The following CCSER1 variants were observed in gnomAD, a reference collection of about 807,000 sequenced individuals.
The protein encoded by CCSER1 is coiled-coil serine rich protein 1, also known as serine-rich coiled-coil domain-containing protein 1.
CCSER1 carries 41 observed loss-of-function variants against 82.0 expected under a neutral mutation model. The ratio of observed to expected loss-of-function variants is 0.50; its 90% CI spans 0.39 to 0.65. The LOEUF is 0.65. CCSER1 is among the 30% of genes least tolerant of loss of function. The pLI is 0.00. For missense variants in CCSER1, 1,119 were observed against 1,064.2 expected, an observed-to-expected ratio of 1.05 and a Z score of -0.72; for synonymous variants, 414 against 383.9, an observed-to-expected ratio of 1.08 and a Z score of -0.92.
chr4:91,362,586 G>C (rs1047055562), intron 10 of CCSER1, among the ~76,000 whole-genome samples: 11 of 151,814 alleles, frequency 7.2e-5, no homozygotes, highest in African/African-American at 2.2e-4. Context: ...AGGAAGTATG[G>C]TTGTAAGGCT....
intron 1 of CCSER1, among the ~76,000 whole-genome samples, chr4:90,172,345 AG>A (rs1320256768): frequency 6.6e-6 from 1 of 151,930 alleles, no homozygotes; most frequent in Non-Finnish European, 1.5e-5. Context: ...GTTAGTGCAA[AG>A]GCATGCAAAT....
chr4:91,237,389 A>G (rs1344484837), intron 10 of CCSER1, among the ~76,000 whole-genome samples: 1 of 150,786 alleles, frequency 6.6e-6, no homozygotes, highest in Non-Finnish European at 1.5e-5. Context: ...GCCTTTATAT[A>G]TATATATAAA....
chr4:90,420,275 T>A (rs986417142), intron 4 of CCSER1, among the ~76,000 whole-genome samples: 1 of 152,010 alleles, frequency 6.6e-6, no homozygotes, highest in Non-Finnish European at 1.5e-5. Flanking sequence ...ATAGTAACAT[T>A]CACCTGGGTG....
chr4:91,093,809 C>T (rs544330543), intron 10 of CCSER1, among the ~76,000 whole-genome samples: 1 of 152,292 alleles, frequency 6.6e-6, no homozygotes, highest in East Asian at 1.9e-4. Flanking sequence ...TTGCAGAGGT[C>T]CCCATTCAAA....
At chr4:90,145,139 T>C (rs1725559389) in intron 1 of CCSER1, among the ~76,000 whole-genome samples, 1 of 152,148 alleles carries the variant, frequency 6.6e-6, no homozygotes, top group Non-Finnish European at 1.5e-5. Context: ...GAAATGCTAA[T>C]TCTATTTTTA....
At chr4:90,892,280 C>T (rs1390137161) in intron 8 of CCSER1, among the ~76,000 whole-genome samples, 1 of 151,930 alleles carries the variant, frequency 6.6e-6, no homozygotes, top group African/African-American at 2.4e-5. Flanking sequence ...TCTCATCCTG[C>T]TTTTATTTTC....
At chr4:91,582,203 G>A (rs191415686) in intron 10 of CCSER1, among the ~76,000 whole-genome samples, 1 of 151,630 alleles carries the variant, frequency 6.6e-6, no homozygotes, top group Non-Finnish European at 1.5e-5. Flanking sequence ...ATTGCTACAT[G>A]TAGGCAAGAA....
intron 7 of CCSER1, among the ~76,000 whole-genome samples, chr4:90,769,578 C>A (rs1315735072): frequency 6.6e-6 from 1 of 152,100 alleles, no homozygotes; most frequent in Non-Finnish European, 1.5e-5. Context: ...TCCCCCCTTT[C>A]TGAACAGAAA....
chr4:90,701,158 G>A (rs1286946786), intron 6 of CCSER1, among the ~76,000 whole-genome samples: 1 of 152,182 alleles, frequency 6.6e-6, no homozygotes, highest in Non-Finnish European at 1.5e-5. Flanking sequence ...ATTAATTTTT[G>A]TAGAAGGTAT....
chr4:91,554,444 A>G (rs553564438), intron 10 of CCSER1, among the ~76,000 whole-genome samples: 58 of 151,438 alleles, frequency 3.8e-4, no homozygotes, highest in Non-Finnish European at 6.8e-4. Flanking sequence ...AAATGACCAC[A>G]TACACAATAG....
chr4:90,537,447 T>A (rs1775550030), intron 5 of CCSER1, among the ~76,000 whole-genome samples: 1 of 152,168 alleles, frequency 6.6e-6, no homozygotes, highest in East Asian at 1.9e-4. Flanking sequence ...TTTTGTTTTT[T>A]TCTTCTATTT....
intron 10 of CCSER1, among the ~76,000 whole-genome samples, chr4:91,573,372 AC>A (rs1560773670): frequency 6.6e-6 from 1 of 152,030 alleles, no homozygotes; most frequent in Non-Finnish European, 1.5e-5. Context: ...CCCTGGATTC[AC>A]CCTCTTTCCT....
rs1722255843 is a variant in CCSER1 at position 90,128,569 on chromosome 4, AAGTC to A, written c.-42+741_-42+744del. 2.6e-5 allele frequency among the ~76,000 whole-genome samples: 4 copies of A among 152,050 alleles called. No individual in the cohort carries two copies. The South Asian group carries it at 8.3e-4, about 32-fold the overall frequency. ...CAGTGGGTTGGTTCACCTGAGCAGAAAGTCAGCCGTAAGCTGAAACCGCATGTGG... is the reference window on the plus strand; with the variant it reads ...CAGTGGGTTGGTTCACCTGAGCAGAAAGCCGTAAGCTGAAACCGCATGTGG... On this transcript the variant is annotated intron_variant, in intron 1 of 10. Coordinates refer to ENST00000509176, the MANE Select transcript of CCSER1 (RefSeq NM_001145065.2).
intron 4 of CCSER1, among the ~76,000 whole-genome samples, chr4:90,458,658 C>A (rs1762492341): frequency 1.3e-5 from 2 of 152,118 alleles, no homozygotes; most frequent in African/African-American, 4.8e-5. Flanking sequence ...CCTGGCCTTG[C>A]CACAATAAGT....
At chr4:91,023,276 T>A (rs1740176320) in intron 9 of CCSER1, among the ~76,000 whole-genome samples, 2 of 152,160 alleles carry the variant, frequency 1.3e-5, no homozygotes, top group African/African-American at 4.8e-5. Context: ...AAGCTACCAA[T>A]GACTTTCTTC....
In CCSER1 at chr4:90,834,026, C is replaced by T. The variant is rs190841208; in HGVS notation, c.2094+18181C>T. Among the ~76,000 whole-genome samples, 825 of 152,226 alleles carry T rather than the reference C, an allele frequency of 5.4e-3. 8 individuals carry two copies. Among genetic ancestry groups the T allele is most frequent in the Non-Finnish European group, 7.6e-3 (518 of 68,018 alleles). ...TCTGGGACTTTTCAGTCTCCAAGAC[C>T]GTGAGCTACATAAACTTCCTTATGA... On this transcript the variant is annotated intron_variant, in intron 8 of 10. Transcript: ENST00000509176.
chr4:90,740,130 A>G (rs1183976632), intron 7 of CCSER1, among the ~76,000 whole-genome samples: 2 of 152,228 alleles, frequency 1.3e-5, no homozygotes, highest in Admixed American at 1.3e-4. Context: ...CCATATTTAA[A>G]TTAACTTCAA....
chr4:91,334,229 A>G (rs55881496), intron 10 of CCSER1, among the ~76,000 whole-genome samples: 8,861 of 151,998 alleles, frequency 0.058, 329 homozygotes, highest in South Asian at 0.11. Flanking sequence ...TTACCTCTCT[A>G]CTTATTTCTT....
At chr4:91,227,919 GAAAT>G (rs1209539791) in intron 10 of CCSER1, among the ~76,000 whole-genome samples, 1 of 151,956 alleles carries the variant, frequency 6.6e-6, no homozygotes, top group African/African-American at 2.4e-5. Context: ...TGAAGAAAAA[GAAAT>G]AAAAAGAGAA....
Sources: allele counts gnomAD v4.1 joint callset (sites outside exome capture counted in the v4.1 genomes callset), GRCh38; gene constraint gnomAD v4.1.1; transcripts MANE v1.5; gene names NCBI Gene and HGNC (gene_info 2026-07-23, HGNC 2026-07-21).